The following DOCK3 variants were observed in gnomAD, a reference collection of about 807,000 sequenced individuals.
DOCK3 encodes dedicator of cytokinesis protein 3.
DOCK3 carries 60 observed loss-of-function variants against 265.6 expected under a neutral mutation model. The observed-to-expected ratio is 0.23, with a 90% CI of 0.18 to 0.28. DOCK3 has a LOEUF of 0.28. Ranked by LOEUF, DOCK3 falls within the 10% of genes least tolerant of loss-of-function variation. DOCK3 has a pLI of 1.00. For missense variants in DOCK3, 1,981 were observed against 2,594.3 expected (o/e 0.76, Z 5.14); for synonymous variants, 881 against 938.0 (o/e 0.94, Z 1.11).
Position 51,237,535 on chromosome 3 carries a change from C to A in DOCK3, c.2047C>A (p.Arg683=), listed in dbSNP as rs767019751. 3 of 1,613,162 alleles carry A rather than the reference C, an allele frequency of 1.9e-6. No individual in the cohort carries two copies. The highest frequency in any genetic ancestry group is 2.5e-6 in the Non-Finnish European group (3 of 1,179,680). Residue 683 remains arginine, a synonymous_variant, in exon 21 of 53, where the codon CGA becomes AGA. Coordinates refer to ENST00000266037, the MANE Select transcript of DOCK3 (RefSeq NM_004947.5). ...CCGAGACATCAAGTATTTTCACTTT[C>A]GACCTGTGATGGACACGTATATCCA... The part of the protein sequence containing the change: ...LLRDIKYFHF[R]PVMDTYIQKH...
intron 1 of DOCK3, among the ~76,000 whole-genome samples, chr3:50,715,216 T>C (rs1464654643): frequency 6.6e-6 from 1 of 152,150 alleles, no homozygotes. Context: ...TCAGGAAATG[T>C]CTCAGAGACA....
At chr3:51,262,118 G>A (rs1488390740) in intron 23 of DOCK3, among the ~76,000 whole-genome samples, 1 of 152,220 alleles carries the variant, frequency 6.6e-6, no homozygotes, top group Non-Finnish European at 1.5e-5. Context: ...CCTCCTGACT[G>A]GGAGACATCT....
intron 12 of DOCK3, among the ~76,000 whole-genome samples, chr3:51,163,960 G>A (rs1450616595): frequency 2.0e-5 from 3 of 151,928 alleles, no homozygotes; most frequent in African/African-American, 7.3e-5. Flanking sequence ...CTTCACTTAA[G>A]CCACTTTCTG....
chr3:51,106,738 C>T (rs1199384118), intron 9 of DOCK3, among the ~76,000 whole-genome samples: 2 of 152,234 alleles, frequency 1.3e-5, no homozygotes, highest in Non-Finnish European at 2.9e-5. Flanking sequence ...CCCGTGCTAA[C>T]ACCACCATTG....
chr3:51,332,365 A>G (rs2084581554), intron 33 of DOCK3, among the ~76,000 whole-genome samples: 1 of 152,250 alleles, frequency 6.6e-6, no homozygotes, highest in South Asian at 2.1e-4. Flanking sequence ...CTGAGGTACC[A>G]GGAGCATGGG....
intron 3 of DOCK3, chr3:50,881,335 A>C (rs1041553127): frequency 1.3e-5 from 2 of 152,206 alleles, no homozygotes. Context: ...AGGAAGTCAA[A>C]TTGTCCCTGT....
chr3:50,687,103 G>A (rs2034876404), intron 1 of DOCK3, among the ~76,000 whole-genome samples: 1 of 151,056 alleles, frequency 6.6e-6, no homozygotes, highest in Admixed American at 6.6e-5. Flanking sequence ...CCAGCTACTC[G>A]GGAGGCTGAG....
chr3:50,968,322 A>T (rs1021828431), intron 5 of DOCK3, among the ~76,000 whole-genome samples: 4 of 152,230 alleles, frequency 2.6e-5, no homozygotes, highest in Admixed American at 1.3e-4. Flanking sequence ...ACACATCACC[A>T]TGCCTACCTC....
rs10451991 is a variant in DOCK3 at position 50,997,696 on chromosome 3, C to G, written c.315+63619C>G. On this transcript the variant is annotated intron_variant, in intron 5 of 52. Transcript: ENST00000266037. ...TGCTGGTGGTTGCTTTGGTGCTGCACTGGCTGAGTTGAATGCACCGCCCCA... is the reference window on the plus strand; with the variant it reads ...TGCTGGTGGTTGCTTTGGTGCTGCAGTGGCTGAGTTGAATGCACCGCCCCA... 1.6e-3 allele frequency among the ~76,000 whole-genome samples: 239 copies of G among 152,264 alleles called. 2 individuals carry two copies. Among genetic ancestry groups the G allele is most frequent in the African/African-American group, 5.4e-3 (225 of 41,546 alleles).
chr3:50,748,442 G>GGTGTTCTCTC (rs1253112680), intron 1 of DOCK3, among the ~76,000 whole-genome samples: 4 of 152,176 alleles, frequency 2.6e-5, no homozygotes, highest in African/African-American at 9.6e-5. Flanking sequence ...CAGAGTTGTG[G>GGTGTTCTCTC]GTGTTCTCTC....
intron 2 of DOCK3, among the ~76,000 whole-genome samples, chr3:50,794,752 T>C (rs2042677186): frequency 6.6e-6 from 1 of 152,206 alleles, no homozygotes; most frequent in South Asian, 2.1e-4. Context: ...TTGATATGTG[T>C]AGATTTGATC....
intron 12 of DOCK3, among the ~76,000 whole-genome samples, chr3:51,199,410 C>T (rs867582028): frequency 8.5e-5 from 13 of 152,322 alleles, no homozygotes; most frequent in South Asian, 4.1e-4. Flanking sequence ...TCGGAGGGTC[C>T]TACACCCACG....
At chr3:51,085,924 G>A (rs1013622402) in intron 7 of DOCK3, among the ~76,000 whole-genome samples, 3 of 152,090 alleles carry the variant, frequency 2.0e-5, no homozygotes, top group Non-Finnish European at 2.9e-5. Flanking sequence ...TAGACTAATC[G>A]AGAAAAAAGA....
chr3:50,850,789 C>T (rs184984221), intron 3 of DOCK3, among the ~76,000 whole-genome samples: 7 of 152,230 alleles, frequency 4.6e-5, no homozygotes, highest in Admixed American at 4.6e-4. Context: ...CACACTTTGG[C>T]AGGTTTTATA....
intron 1 of DOCK3, among the ~76,000 whole-genome samples, chr3:50,732,689 G>GCGTCAGCCACCGCGCCCAGCC (rs2038301391): frequency 6.6e-6 from 1 of 152,112 alleles, no homozygotes. Flanking sequence ...GGGATTACAG[G>GCGTCAGCCACCGCGCCCAGCC]TGTGAACCAC....
chr3:50,973,122 TGTA>T (rs2077305111), intron 5 of DOCK3, among the ~76,000 whole-genome samples: 1 of 141,832 alleles, frequency 7.1e-6, no homozygotes, highest in Non-Finnish European at 1.5e-5. Flanking sequence ...TTTTTTTTTT[TGTA>T]GTTTTCTTTT....
At chr3:51,081,792 A>T (rs989637745) in intron 7 of DOCK3, among the ~76,000 whole-genome samples, 1 of 150,264 alleles carries the variant, frequency 6.7e-6, no homozygotes, top group Non-Finnish European at 1.5e-5. Flanking sequence ...GCTACTCGGG[A>T]GGCTGAGGCA....
At chr3:51,307,145 G>A (rs867045819) in intron 27 of DOCK3, among the ~76,000 whole-genome samples, 1 of 151,886 alleles carries the variant, frequency 6.6e-6, no homozygotes, top group African/African-American at 2.4e-5. Flanking sequence ...TTTTAGACAG[G>A]GTCTTGCTGT....
At chr3:50,963,726 A>G (rs2076952091) in intron 5 of DOCK3, among the ~76,000 whole-genome samples, 1 of 152,214 alleles carries the variant, frequency 6.6e-6, no homozygotes, top group South Asian at 2.1e-4. Flanking sequence ...GGTGAGCTGT[A>G]AGATTGCTTC....
Sources: gnomAD v4.1 joint callset for allele counts (sites outside exome capture counted in the v4.1 genomes callset) on GRCh38, gnomAD v4.1.1 for gene constraint, MANE v1.5 for transcripts, NCBI Gene and HGNC (gene_info 2026-07-23, HGNC 2026-07-21) for gene names.